The following FBN2 variants were observed in gnomAD, a reference collection of about 807,000 sequenced individuals.
FBN2 encodes fibrillin-2.
FBN2 carries 105 observed loss-of-function variants against 355.6 expected under a neutral mutation model. The ratio of observed to expected loss-of-function variants is 0.30; its 90% CI spans 0.25 to 0.35. FBN2 has a LOEUF of 0.35. FBN2 is among the 10% of genes least tolerant of loss of function. The pLI is 1.00. For missense variants in FBN2, 3,280 were observed against 3,758.7 expected, an observed-to-expected ratio of 0.87 and a Z score of 3.33; for synonymous variants, 1,350 against 1,301.2, an observed-to-expected ratio of 1.04 and a Z score of -0.81.
chr5:128,336,190 C>T, intron 27 of FBN2, 77 bp from the exon 28 acceptor site: 1 of 1,428,592 alleles, frequency 7.0e-7, no homozygotes, highest in Non-Finnish European at 9.8e-7. Flanking sequence ...TTCACCAGAG[C>T]AGTGGTCTCC....
chr5:128,477,248 C>G (rs549590798), intron 5 of FBN2, among the ~76,000 whole-genome samples: 3 of 152,248 alleles, frequency 2.0e-5, no homozygotes, highest in African/African-American at 7.2e-5. Flanking sequence ...TCCTGGACGG[C>G]ACAAAGAGCA....
At chr5:128,404,590 A>G (rs1040516523) in intron 8 of FBN2, among the ~76,000 whole-genome samples, 39 of 152,208 alleles carry the variant, frequency 2.6e-4, no homozygotes, top group African/African-American at 9.2e-4. Context: ...ATTCAATATC[A>G]TCTCATTCAT....
intron 11 of FBN2, among the ~76,000 whole-genome samples, chr5:128,380,142 T>TAA (rs1752192547): frequency 6.6e-6 from 1 of 152,088 alleles, no homozygotes; most frequent in Non-Finnish European, 1.5e-5. Context: ...AAGACTCACT[T>TAA]ACATTTAAAG....
chr5:128,293,980 C>G (rs1749416897), intron 48 of FBN2, among the ~76,000 whole-genome samples: 1 of 151,438 alleles, frequency 6.6e-6, no homozygotes, highest in Non-Finnish European at 1.5e-5. Context: ...AATGCTATCC[C>G]TCCCTCCTCC....
At chr5:128,473,810 T>C (rs1754939054) in intron 5 of FBN2, among the ~76,000 whole-genome samples, 1 of 152,254 alleles carries the variant, frequency 6.6e-6, no homozygotes, top group African/African-American at 2.4e-5. Flanking sequence ...AAATTATCTC[T>C]GTGCATTGAG....
chr5:128,284,916 G>A (rs976693609), intron 55 of FBN2, among the ~76,000 whole-genome samples: 1 of 152,150 alleles, frequency 6.6e-6, no homozygotes, highest in African/African-American at 2.4e-5. Flanking sequence ...TTATGTCCCT[G>A]ATCTTCTAAT....
At chr5:128,322,383 G>A (rs1320469792) in intron 34 of FBN2, among the ~76,000 whole-genome samples, 3 of 152,124 alleles carry the variant, frequency 2.0e-5, no homozygotes, top group African/African-American at 7.2e-5. Flanking sequence ...CAGTGGTATT[G>A]CCTAGGTTTT....
At chr5:128,393,789 T>G (rs569438725) in intron 9 of FBN2, among the ~76,000 whole-genome samples, 1 of 152,228 alleles carries the variant, frequency 6.6e-6, no homozygotes. Flanking sequence ...CTGTCCATTT[T>G]TTTTCAGGAG....
At chr5:128,462,023 T>C (rs1300939056) in intron 6 of FBN2, among the ~76,000 whole-genome samples, 1 of 152,202 alleles carries the variant, frequency 6.6e-6, no homozygotes, top group Non-Finnish European at 1.5e-5. Flanking sequence ...CACAGCTTAA[T>C]TCTTTAAGTA....
chr5:128,528,323 G>T (rs1018160488), intron 3 of FBN2, among the ~76,000 whole-genome samples: 2 of 152,136 alleles, frequency 1.3e-5, no homozygotes, highest in Non-Finnish European at 2.9e-5. Context: ...CTGTCATAAT[G>T]GACTTGAAAG....
At chr5:128,442,353 T>C (rs1485019306) in intron 7 of FBN2, 1 of 456,662 alleles carries the variant, frequency 2.2e-6, no homozygotes, top group Admixed American at 2.3e-5. Context: ...TGGCTCCTGC[T>C]TGTGCTTTAT....
chr5:128,368,339 T>C (rs565460243), intron 16 of FBN2, among the ~76,000 whole-genome samples: 2 of 151,240 alleles, frequency 1.3e-5, no homozygotes, highest in Admixed American at 1.3e-4. Flanking sequence ...TTGGAACTAT[T>C]GCCTGAGACT....
rs967421297 is a variant in FBN2 at position 128,339,451 on chromosome 5, C to CA, written c.3344-391dup. On this transcript the variant is annotated intron_variant, in intron 25 of 64. Transcript: ENST00000262464. ...GCAATGTAGGGAGACCCCATCTCTA[C>CA]AAAAAAAAAATTATTGGGGAGGCTG... Among the ~76,000 whole-genome samples, 601 of 147,724 alleles carry CA rather than the reference C, an allele frequency of 4.1e-3. 5 individuals are homozygous for CA. The highest frequency in any genetic ancestry group is 0.013 in the African/African-American group (539 of 40,326).
intron 5 of FBN2, among the ~76,000 whole-genome samples, chr5:128,470,788 C>G (rs10519998): frequency 0.021 from 3,156 of 152,034 alleles, 40 homozygotes; most frequent in Non-Finnish European, 0.033. Context: ...GCTATAATAT[C>G]ATTTATGTGA....
In FBN2 at chr5:128,518,233, C is replaced by T. The variant is rs533139233; in HGVS notation, c.628+1040G>A. On this transcript the variant is annotated intron_variant, in intron 5 of 64. Coordinates refer to ENST00000262464, the MANE Select transcript of FBN2 (RefSeq NM_001999.4). ...CTAAAAGATCACACTCTCTAGAATC[C>T]TTGAAACATAAATATTCCCATGATC... 5.3e-4 allele frequency among the ~76,000 whole-genome samples: 81 copies of T among 152,238 alleles called. 2 individuals carry two copies. Among genetic ancestry groups the T allele is most frequent in the African/African-American group, 1.8e-3 (74 of 41,534 alleles).
intron 7 of FBN2, among the ~76,000 whole-genome samples, chr5:128,412,700 A>G (rs1425593551): frequency 6.6e-6 from 1 of 152,250 alleles, no homozygotes; most frequent in East Asian, 1.9e-4. Flanking sequence ...CTAGTTAGGC[A>G]TATGCTAAAT....
intron 22 of FBN2, 85 bp from the exon 23 acceptor site, chr5:128,349,557 C>T (rs1751287944): frequency 7.0e-7 from 1 of 1,438,144 alleles, no homozygotes; most frequent in Non-Finnish European, 9.6e-7. Flanking sequence ...ATAGCATTTT[C>T]AATCCACATT....
Position 128,259,432 on chromosome 5 carries a change from C to A in FBN2, c.*23G>T, listed in dbSNP as rs1457258653. On this transcript the variant is annotated 3_prime_UTR_variant, in exon 65 of 65. Transcript: ENST00000262464. ...CAGACTGGCTGTGCTAGGATTTGAG[C>A]CTGGGCCCAAGTCTGTGAAGGGTTA... 7 of 1,612,288 alleles carry A rather than the reference C, an allele frequency of 4.3e-6. No individual in the cohort carries two copies. The highest frequency in any genetic ancestry group is 5.9e-6 in the Non-Finnish European group (7 of 1,179,926).
At chr5:128,451,034 T>C (rs1424444721) in intron 6 of FBN2, among the ~76,000 whole-genome samples, 2 of 152,160 alleles carry the variant, frequency 1.3e-5, no homozygotes, top group African/African-American at 2.4e-5. Flanking sequence ...AATAAAACCA[T>C]AGTATATGTG....
Sources: allele counts gnomAD v4.1 joint callset (sites outside exome capture counted in the v4.1 genomes callset), GRCh38; gene constraint gnomAD v4.1.1; transcripts MANE v1.5; gene names NCBI Gene and HGNC (gene_info 2026-07-23, HGNC 2026-07-21).